Variants in CAPRIN1 observed in about 807,000 individuals in gnomAD.
CAPRIN1 encodes cell cycle associated protein 1.
A neutral mutation model predicts 100.9 loss-of-function variants in CAPRIN1; 29 were observed. The ratio of observed to expected loss-of-function variants is 0.29; its 90% CI spans 0.21 to 0.39. CAPRIN1 has a LOEUF of 0.39. CAPRIN1 is among the 10% of genes least tolerant of loss of function. The pLI is 1.00. For synonymous variants in CAPRIN1, 338 were observed against 307.5 expected (o/e 1.10, Z -1.04); for missense variants, 795 against 876.7 (o/e 0.91, Z 1.18).
chr11:34,088,703 A>G (rs1028568829), intron 11 of CAPRIN1, among the ~76,000 whole-genome samples: 6 of 152,036 alleles, frequency 3.9e-5, no homozygotes, highest in Non-Finnish European at 5.9e-5. Flanking sequence ...ATGGAATACT[A>G]TCTGTCTGAG....
chr11:34,052,269 T>C, intron 1 of CAPRIN1, 152 bp from the exon 2 acceptor site: 2 of 625,610 alleles, frequency 3.2e-6, no homozygotes, highest in South Asian at 2.0e-5. Flanking sequence ...GCACTCTTCC[T>C]GCCCTCGAGG....
chr11:34,072,349 T>C (rs192760533), intron 4 of CAPRIN1, among the ~76,000 whole-genome samples: 5 of 152,190 alleles, frequency 3.3e-5, no homozygotes, highest in Non-Finnish European at 5.9e-5. Context: ...TTTAAAAATT[T>C]TTTTAAAAGG....
chr11:34,096,240 A>C (rs1851365259), intron 15 of CAPRIN1: 1 of 405,218 alleles, frequency 2.5e-6, no homozygotes, highest in Non-Finnish European at 4.4e-6. Flanking sequence ...TCAATCATGC[A>C]CCCTGCTTTC....
At chr11:34,076,161 A>T in intron 4 of CAPRIN1, 75 bp from the exon 5 acceptor site, 1 of 1,011,546 alleles carries the variant, frequency 9.9e-7, no homozygotes, top group Non-Finnish European at 1.5e-6. Flanking sequence ...TGTTTTATTT[A>T]AGCTGGACCT....
At chr11:34,064,587 C>T (rs1024393508) in intron 2 of CAPRIN1, among the ~76,000 whole-genome samples, 2 of 152,166 alleles carry the variant, frequency 1.3e-5, no homozygotes, top group African/African-American at 4.8e-5. Flanking sequence ...TAGCTACTTT[C>T]ATTTTGAAAA....
At position 34,070,734 on chromosome 11, in the gene CAPRIN1, C is replaced by A. The variant is rs540439389; in HGVS notation, c.217-992C>A. Reference sequence around the variant, plus strand: ...TTTTTTTTTTGGATGCAAAATTTCACTCTTGTTGCCCAGGCTGGAGTGCAA... The same window carrying A: ...TTTTTTTTTTGGATGCAAAATTTCAATCTTGTTGCCCAGGCTGGAGTGCAA... On this transcript the variant is annotated intron_variant, in intron 2 of 18. Transcript: ENST00000341394. Among the ~76,000 whole-genome samples, 501 of 150,398 alleles carry A rather than the reference C, an allele frequency of 3.3e-3. 5 individuals carry two copies. The highest frequency in any genetic ancestry group is 0.011 in the African/African-American group (459 of 40,834).
At chr11:34,070,303 G>T (rs1446656845) in intron 2 of CAPRIN1, among the ~76,000 whole-genome samples, 1 of 152,210 alleles carries the variant, frequency 6.6e-6, no homozygotes, top group African/African-American at 2.4e-5. Flanking sequence ...GTTGACTTGT[G>T]TATTAGTGAG....
intron 7 of CAPRIN1, among the ~76,000 whole-genome samples, chr11:34,080,373 T>TGAG (rs1488602654): frequency 2.0e-5 from 3 of 152,260 alleles, no homozygotes; most frequent in African/African-American, 7.2e-5. Flanking sequence ...GGAGTATGGG[T>TGAG]GAGGGCCAGC....
intron 11 of CAPRIN1, among the ~76,000 whole-genome samples, chr11:34,087,867 T>C (rs542089836): frequency 6.6e-6 from 1 of 152,328 alleles, no homozygotes; most frequent in East Asian, 1.9e-4. Context: ...ATGGGTACTT[T>C]CTAAATGACT....
At chr11:34,082,227 T>A (rs1565092619) in intron 7 of CAPRIN1, among the ~76,000 whole-genome samples, 1 of 152,066 alleles carries the variant, frequency 6.6e-6, no homozygotes, top group Non-Finnish European at 1.5e-5. Context: ...TGCTCTTGTT[T>A]CCCAGGTTGG....
intron 2 of CAPRIN1, 152 bp downstream of exon 2, chr11:34,052,788 G>T (rs1053926376): frequency 2.1e-6 from 3 of 1,419,920 alleles, no homozygotes; most frequent in South Asian, 1.4e-5. Flanking sequence ...CCGTCTCCAC[G>T]TTCAGCGGGA....
Position 34,086,053 on chromosome 11 carries a change from T to C in CAPRIN1, c.967-11T>C. On this transcript the variant is annotated splice_polypyrimidine_tract_variant and intron_variant, in intron 9 of 18. Transcript: ENST00000341394. ...CTCCTATTCCTTCTAATCCTTTTTT[T>C]TCTACCTTAGGTGGTAAATTCACTC... is the stretch of plus-strand genomic sequence containing the variant. 6.2e-7 allele frequency: 1 copy of C among 1,611,756 alleles called. No homozygotes were observed. The highest frequency in any genetic ancestry group is 1.1e-5 in the South Asian group (1 of 90,634).
At chr11:34,089,553 G>A in intron 12 of CAPRIN1, 97 bp downstream of exon 12, 4 of 673,644 alleles carry the variant, frequency 5.9e-6, no homozygotes, top group Non-Finnish European at 1.1e-5. Context: ...GATCACTTGA[G>A]GTCAGGAGTT....
At chr11:34,080,124 T>C (rs1850995258) in intron 7 of CAPRIN1, among the ~76,000 whole-genome samples, 1 of 151,980 alleles carries the variant, frequency 6.6e-6, no homozygotes, top group Non-Finnish European at 1.5e-5. Flanking sequence ...GGGGTTTCAC[T>C]GTGTTGGCCA....
chr11:34,075,271 A>G (rs866010725), intron 4 of CAPRIN1, among the ~76,000 whole-genome samples: 53 of 151,974 alleles, frequency 3.5e-4, no homozygotes, highest in South Asian at 4.2e-4. Flanking sequence ...ATATGTCCCT[A>G]TTTTGGTTTT....
chr11:34,075,082 G>A (rs1308956152), intron 4 of CAPRIN1, among the ~76,000 whole-genome samples: 1 of 150,092 alleles, frequency 6.7e-6, no homozygotes, highest in Non-Finnish European at 1.5e-5. Context: ...CAGTCTCACT[G>A]TTTCACCCAG....
Position 34,096,595 on chromosome 11 carries a change from C to T in CAPRIN1, c.1822C>T (p.Arg608Cys). ...PRSNQPYYNSRGVSRGGSRGA... is the reference protein window; with the variant it reads ...PRSNQPYYNSCGVSRGGSRGA... Reference sequence around the variant, plus strand: ...TAGCAATCAGCCCTATTACAATAGTCGTGGTGTGTCTCGTGGAGGCTCCCG... The same window carrying T: ...TAGCAATCAGCCCTATTACAATAGTTGTGGTGTGTCTCGTGGAGGCTCCCG... The change falls in exon 16 of 19, where the codon CGT becomes TGT. Residue 608 changes from arginine to cysteine, a missense_variant. Physicochemically the swap from Arg to Cys is radical, Grantham distance 180. This residue lies in a region of CAPRIN1 where 648 missense variants were observed against 697.9 expected (regional missense o/e 0.93). Coordinates refer to ENST00000341394, the MANE Select transcript of CAPRIN1 (RefSeq NM_005898.5). The T allele has an allele frequency of 1.2e-6, 2 of 1,613,916 alleles. No individual in the cohort carries two copies. The highest frequency in any genetic ancestry group is 1.7e-6 in the Non-Finnish European group (2 of 1,179,920).
chr11:34,075,029 T>A (rs1318960356), intron 4 of CAPRIN1, among the ~76,000 whole-genome samples: 1 of 152,168 alleles, frequency 6.6e-6, no homozygotes, highest in Non-Finnish European at 1.5e-5. Flanking sequence ...AAAACTTTTT[T>A]TAAATTATTT....
In CAPRIN1 at chr11:34,096,627, T is replaced by C; in HGVS notation, c.1854T>C (p.Ala618=). ...RGVSRGGSRG[A]RGLMNGYRGP... The stretch of plus-strand genomic sequence containing the variant: ...TGTCTCGTGGAGGCTCCCGTGGTGC[T>C]AGAGGCTTGATGAATGGATACCGGG... Residue 618 remains alanine, a synonymous_variant, in exon 16 of 19, where the codon GCT becomes GCC. Coordinates refer to ENST00000341394, the MANE Select transcript of CAPRIN1 (RefSeq NM_005898.5). 1 of 1,612,280 alleles carries C rather than the reference T, an allele frequency of 6.2e-7. No individual in the cohort carries two copies. Among genetic ancestry groups the C allele is most frequent in the Non-Finnish European group, 8.5e-7 (1 of 1,178,568 alleles).
Sources: allele counts gnomAD v4.1 joint callset (sites outside exome capture counted in the v4.1 genomes callset), GRCh38; gene constraint gnomAD v4.1.1; regional missense constraint gnomAD v4.1.1; transcripts MANE v1.5; gene names NCBI Gene and HGNC (gene_info 2026-07-23, HGNC 2026-07-21).